Variants in VPS13B observed in about 807,000 individuals in gnomAD.
The protein encoded by VPS13B is intermembrane lipid transfer protein VPS13B.
Under a neutral mutation model 426.4 loss-of-function variants are expected in VPS13B, and 285 were observed. The observed-to-expected ratio is 0.67, with a 90% confidence interval of 0.61 to 0.74. The LOEUF (loss-of-function observed/expected upper bound fraction) is 0.74. VPS13B is among the 30% of genes least tolerant of loss of function. VPS13B has a pLI of 0.00. For synonymous variants in VPS13B, 1,676 were observed against 1,676.4 expected, an observed-to-expected ratio of 1.00 and a Z score of 0.01; for missense variants, 4,537 against 4,782.6, an observed-to-expected ratio of 0.95 and a Z score of 1.51.
chr8:99,156,248 T>C (rs1456481856), intron 14 of VPS13B, among the ~76,000 whole-genome samples: 1 of 152,162 alleles, frequency 6.6e-6, no homozygotes, highest in Admixed American at 6.5e-5. Context: ...TAAAATATCT[T>C]CATCATACTG....
chr8:99,453,969 A>C (rs1250245153), intron 23 of VPS13B, among the ~76,000 whole-genome samples: 6 of 152,140 alleles, frequency 3.9e-5, no homozygotes, highest in Non-Finnish European at 8.8e-5. Flanking sequence ...CTGTCATCGT[A>C]GTATCATGCA....
chr8:99,437,343 A>T (rs972960073), intron 22 of VPS13B, among the ~76,000 whole-genome samples: 3 of 152,020 alleles, frequency 2.0e-5, no homozygotes, highest in African/African-American at 7.2e-5. Context: ...AGGAGTTTCC[A>T]TACTTAATTA....
At chr8:99,185,300 G>A (rs1275189511) in intron 16 of VPS13B, among the ~76,000 whole-genome samples, 1 of 152,208 alleles carries the variant, frequency 6.6e-6, no homozygotes, top group East Asian at 1.9e-4. Context: ...TACCTGTAGA[G>A]TGTGGAGTTG....
chr8:99,734,382 CAT>C (rs1043258317), intron 39 of VPS13B, among the ~76,000 whole-genome samples: 1 of 152,122 alleles, frequency 6.6e-6, no homozygotes, highest in African/African-American at 2.4e-5. Context: ...GATGATTAAT[CAT>C]ATTTACAAGG....
intron 23 of VPS13B, among the ~76,000 whole-genome samples, chr8:99,453,563 C>T (rs1489407783): frequency 6.6e-6 from 1 of 152,086 alleles, no homozygotes; most frequent in Non-Finnish European, 1.5e-5. Flanking sequence ...GTTAAGGGTT[C>T]TATAGCTTTT....
intron 19 of VPS13B, among the ~76,000 whole-genome samples, chr8:99,310,177 T>C (rs997212550): frequency 2.6e-5 from 4 of 152,150 alleles, no homozygotes; most frequent in African/African-American, 7.2e-5. Flanking sequence ...CCTTTATTTC[T>C]TTCTCCTGCC....
chr8:99,824,832 G>C (rs1814580593), intron 51 of VPS13B, among the ~76,000 whole-genome samples: 1 of 152,126 alleles, frequency 6.6e-6, no homozygotes, highest in Non-Finnish European at 1.5e-5. Flanking sequence ...GTGGTGTTTG[G>C]TTTTCTGTTC....
At chr8:99,695,780 G>C (rs1031984421) in intron 35 of VPS13B, among the ~76,000 whole-genome samples, 7 of 151,922 alleles carry the variant, frequency 4.6e-5, no homozygotes, top group Non-Finnish European at 8.8e-5. Flanking sequence ...CACTTACAAG[G>C]GATGGGACCC....
intron 21 of VPS13B, among the ~76,000 whole-genome samples, chr8:99,400,519 T>C (rs980158202): frequency 1.3e-5 from 2 of 152,252 alleles, no homozygotes; most frequent in African/African-American, 2.4e-5. Context: ...TAGTTATTGA[T>C]TTATACATTA....
intron 16 of VPS13B, among the ~76,000 whole-genome samples, chr8:99,179,855 T>C (rs1812854773): frequency 6.6e-6 from 1 of 152,176 alleles, no homozygotes; most frequent in Non-Finnish European, 1.5e-5. Flanking sequence ...TTCTGATTTA[T>C]GAGGTTTTAG....
Position 99,776,828 on chromosome 8 carries a change from C to T in VPS13B, c.7301C>T (p.Thr2434Ile), listed in dbSNP as rs1811763988. Residue 2434 changes from threonine (T) to isoleucine (I), a missense_variant, in exon 41 of 62, where the codon ACA (threonine) becomes ATA (isoleucine). This residue lies in a region of VPS13B where 4,311 missense variants were observed against 4,474.3 expected (regional missense o/e 0.96). Transcript: ENST00000357162. ...QSTCDPLVTPTALAACTRVDS... is the reference protein window; with the variant it reads ...QSTCDPLVTPIALAACTRVDS... ...ACTTGTGATCCACTTGTGACTCCAACAGCCCTGGCTGCCTGTACCAGAGTT... is the reference window on the plus strand; with the variant it reads ...ACTTGTGATCCACTTGTGACTCCAATAGCCCTGGCTGCCTGTACCAGAGTT... 1.9e-6 allele frequency: 3 copies of T among 1,613,938 alleles called. No homozygotes were observed. The Admixed American group carries it at 5.0e-5, about 27-fold the overall frequency.
chr8:99,494,312 A>G (rs1820779253), intron 25 of VPS13B, among the ~76,000 whole-genome samples: 1 of 152,116 alleles, frequency 6.6e-6, no homozygotes, highest in South Asian at 2.1e-4. Flanking sequence ...CACCATCTTA[A>G]TATTAAATCT....
At chr8:99,482,589 G>A (rs1820101793) in intron 25 of VPS13B, among the ~76,000 whole-genome samples, 1 of 152,140 alleles carries the variant, frequency 6.6e-6, no homozygotes, top group African/African-American at 2.4e-5. Context: ...AGTACCACAA[G>A]TGGTATTGCT....
In VPS13B at chr8:99,861,936, C is replaced by T; in HGVS notation, c.11205C>T (p.Ile3735=). 1.3e-6 allele frequency: 2 copies of T among 1,593,086 alleles called. No individual in the cohort carries two copies. Among genetic ancestry groups the T allele is most frequent in the Non-Finnish European group, 1.7e-6 (2 of 1,171,294 alleles). Residue 3735 remains isoleucine (I), a synonymous_variant, in exon 58 of 62, where the codon ATC becomes ATT. Transcript: ENST00000357162. ...GACAGGGCCTGTCCCGGCTGGGCAT[C>T]AGCCTGCTTGGTAAGGGGCTGCGGG... The part of the protein sequence containing the change: ...GLRQGLSRLG[I]SLLGAIAGIV...
chr8:99,325,357 A>T (rs56668101), intron 19 of VPS13B, among the ~76,000 whole-genome samples: 3,318 of 152,262 alleles, frequency 0.022, 130 homozygotes, highest in African/African-American at 0.076. Context: ...CTTTCTTGCT[A>T]ATTTTGCCTT....
chr8:99,526,109 G>T (rs923552887), intron 30 of VPS13B, among the ~76,000 whole-genome samples: 1 of 150,764 alleles, frequency 6.6e-6, no homozygotes, highest in Non-Finnish European at 1.5e-5. Context: ...AAATGGGGGG[G>T]TGGGGATGGG....
intron 33 of VPS13B, among the ~76,000 whole-genome samples, chr8:99,596,156 T>G (rs1369505125): frequency 6.6e-6 from 1 of 151,970 alleles, no homozygotes; most frequent in Non-Finnish European, 1.5e-5. Context: ...ACTACTGCAC[T>G]AAAGTATCTT....
intron 19 of VPS13B, among the ~76,000 whole-genome samples, chr8:99,290,196 A>G (rs1455850877): frequency 3.9e-5 from 6 of 152,102 alleles, no homozygotes; most frequent in Non-Finnish European, 1.5e-5. Flanking sequence ...AGGTAAGTAG[A>G]CATTTAAAAT....
intron 17 of VPS13B, among the ~76,000 whole-genome samples, chr8:99,232,690 G>C (rs923087808): frequency 1.3e-5 from 2 of 152,184 alleles, no homozygotes; most frequent in African/African-American, 4.8e-5. Flanking sequence ...AAAAAAGGGT[G>C]TGCATTTTGC....
Sources: gnomAD v4.1 joint callset for allele counts (sites outside exome capture counted in the v4.1 genomes callset) on GRCh38, gnomAD v4.1.1 for gene constraint, gnomAD v4.1.1 regional missense constraint, MANE v1.5 for transcripts, NCBI Gene and HGNC (gene_info 2026-07-23, HGNC 2026-07-21) for gene names.